The following PTPN12 variants were observed in gnomAD, a reference collection of about 807,000 sequenced individuals.
The protein encoded by PTPN12 is protein tyrosine phosphatase non-receptor type 12.
Under a neutral mutation model 97.6 loss-of-function variants are expected in PTPN12, and 29 were observed. That is an observed-to-expected ratio of 0.30 (90% CI 0.22 to 0.41). The LOEUF (loss-of-function observed/expected upper bound fraction) is 0.41. Among genes scored for constraint, PTPN12 ranks in the 10% least tolerant of loss-of-function variants. The pLI is 1.00. For synonymous variants in PTPN12, 327 were observed against 300.4 expected, an observed-to-expected ratio of 1.09 and a Z score of -0.91; for missense variants, 819 against 926.0, an observed-to-expected ratio of 0.88 and a Z score of 1.50.
intron 11 of PTPN12, among the ~76,000 whole-genome samples, chr7:77,612,081 T>C (rs1226549608): frequency 2.0e-5 from 3 of 151,630 alleles, no homozygotes; most frequent in Non-Finnish European, 4.4e-5. Flanking sequence ...AGTTGCAAAA[T>C]TTATAACCTT....
chr7:77,609,238 A>G (rs1245270620), intron 9 of PTPN12, among the ~76,000 whole-genome samples: 1 of 151,314 alleles, frequency 6.6e-6, no homozygotes, highest in Non-Finnish European at 1.5e-5. Flanking sequence ...AAATAAAATA[A>G]AAGTTGTGTA....
chr7:77,618,660 T>C (rs965051847), intron 12 of PTPN12, 95 bp downstream of exon 12: 3 of 806,668 alleles, frequency 3.7e-6, no homozygotes. Context: ...TAAATTACTT[T>C]TATAACTTTT....
chr7:77,638,563 G>A lies in PTPN12; in HGVS notation c.2174-61G>A, dbSNP rs1237026178. On this transcript the variant is annotated intron_variant, in intron 16 of 17. Coordinates refer to ENST00000248594, the MANE Select transcript of PTPN12 (RefSeq NM_002835.4). ...TTGCCAACATTTAAAAAATTAAAGA[G>A]TTATATATATATGATGCTACAAAGG... is the stretch of plus-strand genomic sequence containing the variant. 11 of 1,466,222 alleles carry A rather than the reference G, an allele frequency of 7.5e-6. No homozygotes were observed. In the Admixed American group the frequency reaches 1.8e-4, roughly 25 times the overall value. 90.8% of individuals were successfully genotyped at this position (1,466,222 alleles called of 1,614,324 possible).
At chr7:77,583,943 A>T in intron 4 of PTPN12, 2 of 261,446 alleles carry the variant, frequency 7.6e-6, no homozygotes, top group Non-Finnish European at 1.5e-5. Flanking sequence ...GTGCTCTAAT[A>T]GGTCAGTAAA....
At position 77,626,943 on chromosome 7, in the gene PTPN12, A is replaced by G. The variant is rs1236286450; in HGVS notation, c.1264A>G (p.Thr422Ala). ...AGAACTTCCAGGGAAAAATGAATCA[A>G]CAATTGAACAGATAGATAAAAAATT... The part of the protein sequence containing the change: ...STELPGKNES[T>A]IEQIDKKLER... Residue 422 changes from threonine (T) to alanine (A), a missense_variant, in exon 13 of 18, where the codon ACA (threonine) becomes GCA (alanine). By Grantham distance (58) the Thr-to-Ala change is moderately conservative (BLOSUM62 0). Around this residue, in one of 5 missense-constraint regions of PTPN12, gnomAD observed 607 missense variants for 577.3 expected, o/e 1.05. Transcript: ENST00000248594. 1.2e-6 allele frequency: 2 copies of G among 1,612,130 alleles called. No homozygotes were observed. The highest frequency in any genetic ancestry group is 1.7e-6 in the Non-Finnish European group (2 of 1,179,202).
intron 11 of PTPN12, 33 bp downstream of exon 11, chr7:77,611,079 CT>C: frequency 1.3e-6 from 2 of 1,497,808 alleles, no homozygotes; most frequent in Non-Finnish European, 1.8e-6. Context: ...TTTTAGGAAA[CT>C]TTTACTCTTT....
intron 8 of PTPN12, among the ~76,000 whole-genome samples, chr7:77,604,197 AT>A (rs1231092412): frequency 3.2e-5 from 2 of 61,574 alleles, no homozygotes; most frequent in South Asian, 4.7e-4. Flanking sequence ...CTTTGTTTGC[AT>A]TTTTTTCTTC....
intron 9 of PTPN12, among the ~76,000 whole-genome samples, chr7:77,607,934 T>C (rs144509311): frequency 0.018 from 2,790 of 152,228 alleles, 33 homozygotes; most frequent in Middle Eastern, 0.075. Flanking sequence ...TTTATATTTT[T>C]GGTACAGACA....
intron 13 of PTPN12, among the ~76,000 whole-genome samples, chr7:77,631,685 T>C (rs977759873): frequency 4.6e-5 from 7 of 152,246 alleles, no homozygotes; most frequent in Non-Finnish European, 1.0e-4. Context: ...AAAACCTGTA[T>C]ATAGCTTCAG....
chr7:77,623,864 A>T (rs913725889), intron 12 of PTPN12, among the ~76,000 whole-genome samples: 1 of 152,200 alleles, frequency 6.6e-6, no homozygotes, highest in African/African-American at 2.4e-5. Context: ...TGTTCTTAGG[A>T]TAACCTATTG....
At chr7:77,636,213 A>G (rs1343680337) in intron 15 of PTPN12, among the ~76,000 whole-genome samples, 1 of 152,132 alleles carries the variant, frequency 6.6e-6, no homozygotes, top group Non-Finnish European at 1.5e-5. Context: ...TTATAACACT[A>G]GGCACATAGT....
At position 77,618,419 on chromosome 7, in the gene PTPN12, A is replaced by G. The variant is rs1788824463; in HGVS notation, c.940-61A>G. 4 of 1,134,384 alleles carry G rather than the reference A, an allele frequency of 3.5e-6. No individual in the cohort carries two copies. The South Asian group carries it at 6.2e-5, about 18-fold the overall frequency. 70.3% of individuals were successfully genotyped at this position (1,134,384 alleles called of 1,614,324 possible). A position where few individuals can be genotyped will look rare whatever the true frequency, so the allele number is the denominator to read the frequency against. ...AAAAGCACAGAAACAATTTAGTTGA[A>G]ACATGAAGAGGAAAAATTATTTTTC... On this transcript the variant is annotated intron_variant, in intron 11 of 17. Coordinates refer to ENST00000248594, the MANE Select transcript of PTPN12 (RefSeq NM_002835.4).
chr7:77,600,346 A>G (rs1391293644), intron 7 of PTPN12, among the ~76,000 whole-genome samples: 1 of 152,176 alleles, frequency 6.6e-6, no homozygotes, highest in African/African-American at 2.4e-5. Context: ...TGGAAGTAGA[A>G]CTGCCTGGTT....
chr7:77,601,361 T>A (rs1397665988), intron 8 of PTPN12, among the ~76,000 whole-genome samples: 1 of 152,108 alleles, frequency 6.6e-6, no homozygotes, highest in East Asian at 1.9e-4. Context: ...GAACTAATTT[T>A]TTTTAATTAA....
At chr7:77,586,911 A>C (rs1042751865) in intron 5 of PTPN12, among the ~76,000 whole-genome samples, 3 of 152,188 alleles carry the variant, frequency 2.0e-5, no homozygotes, top group Non-Finnish European at 4.4e-5. Flanking sequence ...CATCCATTCC[A>C]GGTTTTATCA....
Position 77,627,596 on chromosome 7 carries a change from C to T in PTPN12, c.1917C>T (p.Ser639=). Residue 639 remains serine, a synonymous_variant, in exon 13 of 18, where the codon AGC becomes AGT. Transcript: ENST00000248594. ...TTTCTGCTGCCACTAGTACTGAAAG[C>T]ATTTCTACTAGGAAAGTATTGCCAA... is the stretch of plus-strand genomic sequence containing the variant. The part of the protein sequence containing the change: ...ATVSAATSTE[S]ISTRKVLPMS... 6.2e-7 allele frequency: 1 copy of T among 1,613,134 alleles called. No homozygotes were observed.
rs1229657189 is a variant in PTPN12, at chr7:77,594,521, T to A, written c.492+2265T>A. On this transcript the variant is annotated intron_variant, in intron 6 of 17. Transcript: ENST00000248594. ...TTATTTTTAAAGTTTTATTTGTATATATCTTTTTGAGACAGGATTTTGCCC... is the reference window on the plus strand; with the variant it reads ...TTATTTTTAAAGTTTTATTTGTATAAATCTTTTTGAGACAGGATTTTGCCC... 2.0e-5 allele frequency among the ~76,000 whole-genome samples: 3 copies of A among 152,280 alleles called. No individual in the cohort carries two copies. The East Asian group carries it at 5.8e-4, about 29-fold the overall frequency.
chr7:77,633,257 C>T (rs1052058132), intron 14 of PTPN12, among the ~76,000 whole-genome samples: 5 of 139,726 alleles, frequency 3.6e-5, no homozygotes, highest in Admixed American at 1.5e-4. Context: ...GCAACAAGAG[C>T]GAAACTCCAT....
chr7:77,538,582 C>T (rs1411938734), intron 1 of PTPN12, among the ~76,000 whole-genome samples: 1 of 151,634 alleles, frequency 6.6e-6, no homozygotes, highest in East Asian at 1.9e-4. Context: ...CTTGTGCAGG[C>T]AGTCTTGAGA....
Sources: gnomAD v4.1 joint callset for allele counts (sites outside exome capture counted in the v4.1 genomes callset) on GRCh38, gnomAD v4.1.1 for gene constraint, gnomAD v4.1.1 regional missense constraint, MANE v1.5 for transcripts, NCBI Gene and HGNC (gene_info 2026-07-23, HGNC 2026-07-21) for gene names.